Variants in TENM3 observed in about 807,000 individuals in gnomAD.
TENM3 encodes the protein teneurin-3.
In TENM3, 63 loss-of-function variants were observed where a neutral mutation model predicts 255.1. The ratio of observed to expected loss-of-function variants is 0.25; its 90% CI spans 0.20 to 0.30. The LOEUF (loss-of-function observed/expected upper bound fraction) is 0.30. Among genes scored for constraint, TENM3 ranks in the 10% least tolerant of loss-of-function variants. TENM3 has a pLI of 1.00. For synonymous variants in TENM3, 1,306 were observed against 1,322.3 expected, an observed-to-expected ratio of 0.99 and a Z score of 0.27; for missense variants, 2,929 against 3,461.1, an observed-to-expected ratio of 0.85 and a Z score of 3.86.
chr4:181,700,054 T>C, the TENM3 span, among the ~76,000 whole-genome samples: 2 of 152,186 alleles, frequency 1.3e-5, no homozygotes, highest in Admixed American at 1.3e-4. Flanking sequence ...AGTGTGGCTG[T>C]TCCATCATTC....
intron 3 of TENM3, among the ~76,000 whole-genome samples, chr4:182,371,944 A>G (rs1644371158): frequency 6.6e-6 from 1 of 152,220 alleles, no homozygotes; most frequent in Admixed American, 6.5e-5. Flanking sequence ...AAGAGAATAC[A>G]ATATGTGAGT....
At chr4:182,572,132 C>G (rs1329372610) in intron 3 of TENM3, among the ~76,000 whole-genome samples, 2 of 152,148 alleles carry the variant, frequency 1.3e-5, no homozygotes, top group African/African-American at 2.4e-5. Context: ...GAACTCCTGA[C>G]CTCAGGTGAT....
the TENM3 span, among the ~76,000 whole-genome samples, chr4:182,099,432 C>CTA: frequency 1.4e-4 from 22 of 152,242 alleles, no homozygotes; most frequent in Non-Finnish European, 2.6e-4. Context: ...GATAGACAAA[C>CTA]TATAGCCTAT....
chr4:182,045,531 G>A, the TENM3 span, among the ~76,000 whole-genome samples: 6 of 152,038 alleles, frequency 3.9e-5, no homozygotes, highest in South Asian at 2.1e-4. Context: ...TTTTTTAAGG[G>A]TGAATTGAAG....
the TENM3 span, among the ~76,000 whole-genome samples, chr4:181,610,401 A>G: frequency 2.0e-5 from 3 of 152,156 alleles, no homozygotes; most frequent in African/African-American, 2.4e-5. Flanking sequence ...ATTTCCATTC[A>G]TTTATTACAT....
At chr4:182,473,206 T>C (rs1020226053) in intron 3 of TENM3, among the ~76,000 whole-genome samples, 1 of 152,296 alleles carries the variant, frequency 6.6e-6, no homozygotes, top group Non-Finnish European at 1.5e-5. Flanking sequence ...CTGCAACAAA[T>C]GCAGCCATAT....
the TENM3 span, among the ~76,000 whole-genome samples, chr4:181,514,106 T>C: frequency 1.3e-5 from 2 of 152,236 alleles, no homozygotes; most frequent in African/African-American, 2.4e-5. Context: ...AATGAGAATT[T>C]AGAGTTTGGA....
intron 3 of TENM3, among the ~76,000 whole-genome samples, chr4:182,468,759 A>G (rs1186276138): frequency 6.7e-6 from 1 of 148,452 alleles, no homozygotes; most frequent in African/African-American, 2.5e-5. Flanking sequence ...CTCTGTACCC[A>G]TAAGTTCTTT....
At chr4:182,622,079 G>A (rs562140937) in intron 4 of TENM3, among the ~76,000 whole-genome samples, 67 of 151,858 alleles carry the variant, frequency 4.4e-4, no homozygotes, top group African/African-American at 1.4e-3. Context: ...TAATAATTGC[G>A]GCAGGGCATG....
intron 1 of TENM3, among the ~76,000 whole-genome samples, chr4:182,152,685 T>C (rs1413267297): frequency 6.6e-6 from 1 of 151,820 alleles, no homozygotes; most frequent in East Asian, 1.9e-4. Context: ...AAATTACACA[T>C]GTGACAGGGA....
chr4:182,145,891 T>C (rs1023139339), intron 1 of TENM3, among the ~76,000 whole-genome samples: 1 of 152,164 alleles, frequency 6.6e-6, no homozygotes, highest in African/African-American at 2.4e-5. Flanking sequence ...TCACTAGAAA[T>C]AGACATATGT....
At chr4:181,646,003 A>G in the TENM3 span, among the ~76,000 whole-genome samples, 5 of 152,372 alleles carry the variant, frequency 3.3e-5, no homozygotes, top group Non-Finnish European at 7.3e-5. Context: ...CATACCCAAC[A>G]GAGGTCCAGA....
intron 3 of TENM3, among the ~76,000 whole-genome samples, chr4:182,454,253 T>G (rs1482473332): frequency 6.6e-6 from 1 of 152,092 alleles, no homozygotes; most frequent in Non-Finnish European, 1.5e-5. Flanking sequence ...TATCATATTC[T>G]TTCTTTTCGT....
chr4:181,579,990 TTTTATTTTATTTTA>T, the TENM3 span, among the ~76,000 whole-genome samples: 5 of 100,152 alleles, frequency 5.0e-5, no homozygotes, highest in African/African-American at 1.7e-4. Flanking sequence ...TTTTATTTTA[TTTTATTTTATTTTA>T]TTTATTTTTT....
intron 1 of TENM3, among the ~76,000 whole-genome samples, chr4:182,169,108 G>C (rs1054836772): frequency 9.8e-5 from 9 of 92,292 alleles, no homozygotes; most frequent in Non-Finnish European, 5.1e-5. Flanking sequence ...CACACACGTG[G>C]GTGTGAATGA....
the TENM3 span, among the ~76,000 whole-genome samples, chr4:181,831,968 TTGTGTGTGTGTGTGTGTGTGTGTGTGTG>T: frequency 3.0e-5 from 4 of 132,640 alleles, no homozygotes; most frequent in African/African-American, 1.1e-4. Context: ...ATATATTACA[TTGTGTGTGTGTGTGTGTGTGTGTGTGTG>T]TGTGTGTGTG....
At chr4:182,582,510 C>T (rs1042663221) in intron 3 of TENM3, among the ~76,000 whole-genome samples, 5 of 150,834 alleles carry the variant, frequency 3.3e-5, no homozygotes, top group South Asian at 2.1e-4. Context: ...TGTATTCCAC[C>T]GGCCTATGTG....
chr4:181,777,363 T>C, the TENM3 span, among the ~76,000 whole-genome samples: 3 of 152,190 alleles, frequency 2.0e-5, no homozygotes, highest in South Asian at 2.1e-4. Flanking sequence ...AGCTTCATTC[T>C]TTTTGCTCAG....
At chr4:181,731,644 G>C in the TENM3 span, among the ~76,000 whole-genome samples, 2 of 152,132 alleles carry the variant, frequency 1.3e-5, no homozygotes, top group African/African-American at 4.8e-5. Context: ...TGCCTACTCT[G>C]TTCAAGACAA....
Sources: allele counts gnomAD v4.1 joint callset (sites outside exome capture counted in the v4.1 genomes callset), GRCh38; gene constraint gnomAD v4.1.1; transcripts MANE v1.5; gene names NCBI Gene and HGNC (gene_info 2026-07-23, HGNC 2026-07-21).